The following MGAT4C variants were observed in gnomAD, a reference collection of about 807,000 sequenced individuals.
The protein encoded by MGAT4C is alpha-1,3-mannosyl-glycoprotein 4-beta-N-acetylglucosaminyltransferase C.
Under a neutral mutation model 40.1 loss-of-function variants are expected in MGAT4C, and 19 were observed. The observed-to-expected ratio is 0.47, with a 90% CI of 0.33 to 0.70. The LOEUF (loss-of-function observed/expected upper bound fraction) is 0.70, where lower values mean the gene tolerates loss of function less well. Among genes scored for constraint, MGAT4C ranks in the 30% least tolerant of loss-of-function variants. The pLI is 0.02. For missense variants in MGAT4C, 491 were observed against 563.2 expected (o/e 0.87, Z 1.30); for synonymous variants, 181 against 187.1 (o/e 0.97, Z 0.27).
chr12:86,765,654 T>A (rs1006169606), intron 1 of MGAT4C, among the ~76,000 whole-genome samples: 1 of 152,178 alleles, frequency 6.6e-6, no homozygotes, highest in African/African-American at 2.4e-5. Context: ...CCCATCAGAC[T>A]AACAGCGGAT....
intron 3 of MGAT4C, among the ~76,000 whole-genome samples, chr12:86,379,793 T>C (rs1424294957): frequency 1.3e-5 from 2 of 152,158 alleles, no homozygotes; most frequent in Non-Finnish European, 2.9e-5. Flanking sequence ...TCTGCTCTTT[T>C]ATCTTTTTCC....
chr12:86,785,905 T>C (rs1593205642), intron 1 of MGAT4C, among the ~76,000 whole-genome samples: 1 of 152,104 alleles, frequency 6.6e-6, no homozygotes, highest in Non-Finnish European at 1.5e-5. Context: ...CAAAGAAACA[T>C]TCCAAGTAAA....
chr12:86,316,162 T>G (rs965489626), intron 4 of MGAT4C, among the ~76,000 whole-genome samples: 5 of 130,830 alleles, frequency 3.8e-5, no homozygotes, highest in African/African-American at 1.5e-4. Flanking sequence ...AATACCACAA[T>G]GAGAGACACC....
intron 2 of MGAT4C, among the ~76,000 whole-genome samples, chr12:86,468,960 T>G (rs2136302019): frequency 6.6e-6 from 1 of 152,266 alleles, no homozygotes; most frequent in African/African-American, 2.4e-5. Context: ...TTTGCTTATC[T>G]TTGTTTTCAT....
intron 1 of MGAT4C, among the ~76,000 whole-genome samples, chr12:86,753,986 A>G (rs753114679): frequency 2.1e-4 from 32 of 152,206 alleles, no homozygotes; most frequent in Non-Finnish European, 3.8e-4. Flanking sequence ...TACTACTCCT[A>G]AATATTTACC....
intron 1 of MGAT4C, among the ~76,000 whole-genome samples, chr12:86,076,053 G>A (rs1236060785): frequency 6.6e-6 from 1 of 152,166 alleles, no homozygotes; most frequent in East Asian, 1.9e-4. Flanking sequence ...GAACTTTTGT[G>A]CTCTGTTTCC....
chr12:86,569,525 G>T (rs1348388501), intron 2 of MGAT4C, among the ~76,000 whole-genome samples: 2 of 151,970 alleles, frequency 1.3e-5, no homozygotes, highest in African/African-American at 2.4e-5. Context: ...TTATCAAAAA[G>T]ACAAAAATAC....
In MGAT4C at chr12:86,568,923, C is replaced by A. The variant is rs1960244550; in HGVS notation, c.-228-133658G>T. Among the ~76,000 whole-genome samples, 3 of 151,652 alleles carry A rather than the reference C, an allele frequency of 2.0e-5. No homozygotes were observed. In the South Asian group the frequency reaches 6.3e-4, roughly 32 times the overall value. ...CCAACTCCTCAGCTTATACAAAAAT[C>A]AGCTCAAAATGAATTAAAAACTAGC... On this transcript the variant is annotated intron_variant, in intron 2 of 7. Transcript: ENST00000548651.
chr12:86,070,296 T>C (rs1592846319), intron 1 of MGAT4C, among the ~76,000 whole-genome samples: 1 of 152,240 alleles, frequency 6.6e-6, no homozygotes, highest in South Asian at 2.1e-4. Context: ...TCTTTTAATA[T>C]GCCATATGAT....
At chr12:86,031,869 A>G (rs1357771790) in intron 2 of MGAT4C, among the ~76,000 whole-genome samples, 1 of 151,830 alleles carries the variant, frequency 6.6e-6, no homozygotes. Flanking sequence ...TTACCCAGGT[A>G]ATACGCATAG....
intron 4 of MGAT4C, among the ~76,000 whole-genome samples, chr12:86,320,308 T>C (rs1028311303): frequency 6.6e-6 from 1 of 152,188 alleles, no homozygotes; most frequent in African/African-American, 2.4e-5. Context: ...GTTTTGATTG[T>C]AATTTCCAGT....
At chr12:86,809,569 T>A (rs577333998) in intron 1 of MGAT4C, among the ~76,000 whole-genome samples, 31 of 152,016 alleles carry the variant, frequency 2.0e-4, no homozygotes, top group East Asian at 7.8e-4. Flanking sequence ...TAAAAAAAAA[T>A]TTATTTGCCA....
At chr12:86,741,937 C>G (rs1951075868) in intron 1 of MGAT4C, among the ~76,000 whole-genome samples, 1 of 151,346 alleles carries the variant, frequency 6.6e-6, no homozygotes, top group African/African-American at 2.4e-5. Flanking sequence ...AAATTGTTTT[C>G]TGTATTGTAT....
At chr12:86,047,886 G>A (rs190447467) in intron 2 of MGAT4C, among the ~76,000 whole-genome samples, 50 of 151,958 alleles carry the variant, frequency 3.3e-4, no homozygotes, top group Non-Finnish European at 1.6e-4. Context: ...TTCAAGTCTC[G>A]CCTCAAAGAA....
intron 2 of MGAT4C, among the ~76,000 whole-genome samples, chr12:86,577,921 T>C (rs1256330266): frequency 1.3e-5 from 2 of 151,746 alleles, no homozygotes; most frequent in African/African-American, 4.8e-5. Flanking sequence ...TATTTTATTA[T>C]GGGTAGGGTC....
intron 2 of MGAT4C, among the ~76,000 whole-genome samples, chr12:86,474,358 C>A (rs1256811712): frequency 8.1e-6 from 1 of 123,436 alleles, no homozygotes; most frequent in African/African-American, 3.2e-5. Context: ...ACATCACACA[C>A]CGGGCCTGCT....
At chr12:86,786,489 G>C (rs1414591354) in intron 1 of MGAT4C, among the ~76,000 whole-genome samples, 1 of 152,016 alleles carries the variant, frequency 6.6e-6, no homozygotes, top group Non-Finnish European at 1.5e-5. Flanking sequence ...AAATATGTTG[G>C]TGAGATTCTA....
intron 2 of MGAT4C, among the ~76,000 whole-genome samples, chr12:86,696,052 A>C (rs1296750525): frequency 6.6e-6 from 1 of 151,834 alleles, no homozygotes; most frequent in East Asian, 1.9e-4. Flanking sequence ...TCTACTAAAA[A>C]TACAAAAAAA....
chr12:86,206,642 C>T (rs766518237), intron 1 of MGAT4C, among the ~76,000 whole-genome samples: 12 of 152,064 alleles, frequency 7.9e-5, no homozygotes, highest in Non-Finnish European at 2.9e-5. Flanking sequence ...CTCTTGCTCT[C>T]TCACCCTCTC....
Sources: allele counts gnomAD v4.1 joint callset (sites outside exome capture counted in the v4.1 genomes callset), GRCh38; gene constraint gnomAD v4.1.1; transcripts MANE v1.5; gene names NCBI Gene and HGNC (gene_info 2026-07-23, HGNC 2026-07-21).